The following EPHB1 variants were observed in gnomAD, a reference collection of about 807,000 sequenced individuals.
EPHB1 encodes the protein EPH receptor B1, also known as ephrin type-B receptor 1.
In EPHB1, 30 loss-of-function variants were observed where a neutral mutation model predicts 94.4. The ratio of observed to expected loss-of-function variants is 0.32; its 90% confidence interval spans 0.24 to 0.43. EPHB1 has a LOEUF of 0.43. Ranked by LOEUF, EPHB1 falls within the 20% of genes least tolerant of loss-of-function variation. The probability of loss-of-function intolerance (pLI) is 1.00; values close to 1 mark genes in which losing one functional copy is unlikely to be tolerated. For missense variants in EPHB1, 1,055 were observed against 1,308.3 expected (o/e 0.81, Z 2.99); for synonymous variants, 522 against 489.1 (o/e 1.07, Z -0.89).
In EPHB1 at chr3:135,192,637, G is replaced by T; in HGVS notation, c.1944G>T (p.Val648=). 2 of 1,614,080 alleles carry T rather than the reference G, an allele frequency of 1.2e-6. No individual in the cohort carries two copies. The highest frequency in any genetic ancestry group is 2.2e-5 in the South Asian group (2 of 91,070). ...LKLPGKREIY[V]AIKTLKAGYS... The stretch of plus-strand genomic sequence containing the variant: ...TGCCAGGCAAGAGGGAAATCTACGT[G>T]GCCATCAAGACCCTGAAGGCAGGGT... Residue 648 remains valine, a synonymous_variant, in exon 11 of 16, where the codon GTG becomes GTT. Transcript: ENST00000398015.
chr3:135,162,187 G>T lies in EPHB1; in HGVS notation c.1585+7G>T, dbSNP rs1017090022. ...TTCCAGACTCTGACTGACGGTAAGG[G>T]TCGGGGAGGGCAGTGGCATAATCAC... On this transcript the variant is annotated splice_region_variant and intron_variant, in intron 7 of 15. Transcript: ENST00000398015. 1 of 1,594,370 alleles carries T rather than the reference G, an allele frequency of 6.3e-7. No individual in the cohort carries two copies. Among genetic ancestry groups the T allele is most frequent in the African/African-American group, 1.3e-5 (1 of 74,444 alleles).
intron 3 of EPHB1, among the ~76,000 whole-genome samples, chr3:135,090,330 C>T (rs72977510): frequency 0.013 from 1,958 of 152,316 alleles, 50 homozygotes; most frequent in African/African-American, 0.045. Flanking sequence ...AGGTCCTGAG[C>T]AAAAGTCGCA....
chr3:135,253,979 T>C (rs1237771201), intron 15 of EPHB1, among the ~76,000 whole-genome samples: 1 of 136,388 alleles, frequency 7.3e-6, no homozygotes, highest in Non-Finnish European at 1.6e-5. Context: ...GAAGCAATTG[T>C]GAATGGGAGT....
intron 1 of EPHB1, among the ~76,000 whole-genome samples, chr3:134,858,196 ATC>A (rs1317363843): frequency 7.1e-6 from 1 of 141,812 alleles, no homozygotes; most frequent in Admixed American, 7.0e-5. Context: ...CATCATCATC[ATC>A]TCTGTTATCT....
At chr3:135,053,005 G>GTGTGTATATA (rs1553726812) in intron 3 of EPHB1, among the ~76,000 whole-genome samples, 1 of 85,004 alleles carries the variant, frequency 1.2e-5, no homozygotes, top group Non-Finnish European at 2.0e-5. Flanking sequence ...ATATGTGTGT[G>GTGTGTATATA]TATATATATG....
At chr3:135,111,429 G>A (rs1939437826) in intron 4 of EPHB1, among the ~76,000 whole-genome samples, 1 of 152,128 alleles carries the variant, frequency 6.6e-6, no homozygotes, top group Non-Finnish European at 1.5e-5. Flanking sequence ...TGACTTCTGA[G>A]GAGAAAGGCC....
At chr3:134,832,948 A>G (rs2036605340) in intron 1 of EPHB1, among the ~76,000 whole-genome samples, 1 of 152,212 alleles carries the variant, frequency 6.6e-6, no homozygotes. Flanking sequence ...AGGTACTGGT[A>G]TTGGTTAGGT....
chr3:134,943,510 G>T (rs1229876861), intron 2 of EPHB1, among the ~76,000 whole-genome samples: 1 of 152,342 alleles, frequency 6.6e-6, no homozygotes, highest in East Asian at 1.9e-4. Context: ...TTGTGGTGAT[G>T]AAGTGGGTGT....
chr3:135,207,711 G>A (rs1285417004), intron 12 of EPHB1, among the ~76,000 whole-genome samples: 1 of 152,198 alleles, frequency 6.6e-6, no homozygotes, highest in Non-Finnish European at 1.5e-5. Context: ...CCCATAGCAA[G>A]CTACCACACC....
chr3:135,047,390 C>T (rs140160809), intron 3 of EPHB1, among the ~76,000 whole-genome samples: 1 of 152,318 alleles, frequency 6.6e-6, no homozygotes, highest in East Asian at 1.9e-4. Context: ...CAGTGTCATA[C>T]TCTCCAGCCT....
rs546833899 is a variant in EPHB1, at chr3:135,039,817, AGCTGAGGGAGTGG to A, written c.806-66627_806-66615del. Among the ~76,000 whole-genome samples, 9 of 152,314 alleles carry A rather than the reference AGCTGAGGGAGTGG, an allele frequency of 5.9e-5. No individual in the cohort carries two copies. In the South Asian group the frequency reaches 1.9e-3, roughly 32 times the overall value. The stretch of plus-strand genomic sequence containing the variant: ...GTTCCCGCTCGTGCCTCTCCCTGCA[AGCTGAGGGAGTGG>A]GCTCCAGCCTTGGCCAGCCCAGAAA... On this transcript the variant is annotated intron_variant, in intron 3 of 15. Transcript: ENST00000398015.
At chr3:134,917,657 T>C (rs981684210) in intron 1 of EPHB1, among the ~76,000 whole-genome samples, 3 of 152,214 alleles carry the variant, frequency 2.0e-5, no homozygotes, top group African/African-American at 7.2e-5. Context: ...TTTCACAGTT[T>C]GTTTTATAAT....
chr3:134,925,915 A>G (rs759050013), intron 2 of EPHB1, 35 bp downstream of exon 2: 8 of 1,565,624 alleles, frequency 5.1e-6, no homozygotes, highest in Non-Finnish European at 6.9e-6. Flanking sequence ...CAGTCCTGCT[A>G]TGAGGTCCTG....
intron 4 of EPHB1, among the ~76,000 whole-genome samples, chr3:135,108,060 G>T (rs1384914099): frequency 6.6e-6 from 1 of 152,142 alleles, no homozygotes; most frequent in East Asian, 1.9e-4. Flanking sequence ...TAGTCTCCAT[G>T]ATTGCCGAAG....
At chr3:135,047,037 G>A (rs1200371147) in intron 3 of EPHB1, among the ~76,000 whole-genome samples, 1 of 152,212 alleles carries the variant, frequency 6.6e-6, no homozygotes, top group African/African-American at 2.4e-5. Flanking sequence ...GACCCAGGAA[G>A]CTGAGGAGGA....
intron 4 of EPHB1, among the ~76,000 whole-genome samples, chr3:135,124,260 A>C (rs1940103174): frequency 6.6e-6 from 1 of 151,608 alleles, no homozygotes; most frequent in African/African-American, 2.4e-5. Context: ...CTCTGTCCAG[A>C]TGGCCTCTGC....
intron 1 of EPHB1, among the ~76,000 whole-genome samples, chr3:134,801,231 C>T (rs2035929300): frequency 6.6e-6 from 1 of 152,190 alleles, no homozygotes; most frequent in Admixed American, 6.5e-5. Flanking sequence ...CTCCACTATT[C>T]CCACCCCTAT....
chr3:134,807,731 A>G (rs998423112), intron 1 of EPHB1, among the ~76,000 whole-genome samples: 1 of 151,984 alleles, frequency 6.6e-6, no homozygotes, highest in Non-Finnish European at 1.5e-5. Context: ...TAATGAAAAG[A>G]CTCTCTACAG....
At chr3:135,250,561 G>T (rs1398133859) in intron 15 of EPHB1, among the ~76,000 whole-genome samples, 1 of 152,100 alleles carries the variant, frequency 6.6e-6, no homozygotes, top group African/African-American at 2.4e-5. Context: ...CTGAGCATAA[G>T]GGTTTTTTAA....
Sources: allele counts gnomAD v4.1 joint callset (sites outside exome capture counted in the v4.1 genomes callset), GRCh38; gene constraint gnomAD v4.1.1; transcripts MANE v1.5; gene names NCBI Gene and HGNC (gene_info 2026-07-23, HGNC 2026-07-21).